AGGF1: variants seen among roughly 807,000 people sequenced by gnomAD.
AGGF1 encodes angiogenic factor with G-patch and FHA domains 1.
AGGF1 carries 56 observed loss-of-function variants against 86.5 expected under a neutral mutation model. The ratio of observed to expected loss-of-function variants is 0.65; its 90% CI spans 0.52 to 0.81. The LOEUF (loss-of-function observed/expected upper bound fraction) is 0.81, where lower values mean the gene tolerates loss of function less well. Among genes scored for constraint, AGGF1 ranks in the 30% least tolerant of loss-of-function variants. The probability of loss-of-function intolerance (pLI) is 0.00; values close to 1 mark genes in which losing one functional copy is unlikely to be tolerated. For missense variants in AGGF1, 816 were observed against 850.9 expected (o/e 0.96, Z 0.51); for synonymous variants, 313 against 297.1 (o/e 1.05, Z -0.55).
intron 5 of AGGF1, among the ~76,000 whole-genome samples, chr5:77,041,217 T>A (rs886949679): frequency 6.6e-6 from 1 of 152,218 alleles, no homozygotes; most frequent in African/African-American, 2.4e-5. Flanking sequence ...CTGTTTGCTT[T>A]CAAGATCTCT....
At chr5:77,043,849 C>T (rs1472204214) in intron 5 of AGGF1, among the ~76,000 whole-genome samples, 2 of 131,202 alleles carry the variant, frequency 1.5e-5, no homozygotes, top group African/African-American at 2.8e-5. Flanking sequence ...CAGAGGGTCT[C>T]CTCACTTCTC....
chr5:77,033,488 G>A (rs1365332856), intron 1 of AGGF1, among the ~76,000 whole-genome samples: 3 of 152,174 alleles, frequency 2.0e-5, no homozygotes, highest in Non-Finnish European at 4.4e-5. Flanking sequence ...TTTAGGGCAA[G>A]GCAATCAGGC....
chr5:77,059,945 G>A (rs935387614), intron 12 of AGGF1, among the ~76,000 whole-genome samples: 3 of 152,146 alleles, frequency 2.0e-5, no homozygotes, highest in Non-Finnish European at 4.4e-5. Context: ...GGGTTCAGGC[G>A]ATTCTCCTGC....
Position 77,061,693 on chromosome 5 carries a change from T to C in AGGF1, c.1845-10T>C, listed in dbSNP as rs1252841471. On this transcript the variant is annotated splice_polypyrimidine_tract_variant and intron_variant, in intron 12 of 13. Coordinates refer to ENST00000312916, the MANE Select transcript of AGGF1 (RefSeq NM_018046.5). Reference sequence around the variant, plus strand: ...TTATAAATCAACTATCATTTTAATATTCCTTAAAGTGAAATTACTGATAGC... The same window carrying C: ...TTATAAATCAACTATCATTTTAATACTCCTTAAAGTGAAATTACTGATAGC... 6.3e-7 allele frequency: 1 copy of C among 1,599,096 alleles called. No individual in the cohort carries two copies. The highest frequency in any genetic ancestry group is 8.6e-7 in the Non-Finnish European group (1 of 1,166,782).
intron 9 of AGGF1, among the ~76,000 whole-genome samples, chr5:77,053,336 T>C (rs543012104): frequency 2.0e-5 from 3 of 152,150 alleles, no homozygotes; most frequent in Non-Finnish European, 4.4e-5. Flanking sequence ...CTGGCCACCA[T>C]GGTGAAACCT....
chr5:77,044,180 C>T (rs1009342710), intron 5 of AGGF1, among the ~76,000 whole-genome samples: 3 of 149,392 alleles, frequency 2.0e-5, no homozygotes, highest in African/African-American at 5.0e-5. Flanking sequence ...GACAGGGTGG[C>T]GGCCGGGCAG....
intron 4 of AGGF1, among the ~76,000 whole-genome samples, chr5:77,038,614 T>G (rs1412635661): frequency 1.3e-5 from 2 of 152,174 alleles, no homozygotes; most frequent in Non-Finnish European, 2.9e-5. Flanking sequence ...GAAATCTAAA[T>G]ATTTTTTGTA....
intron 8 of AGGF1, among the ~76,000 whole-genome samples, chr5:77,049,551 T>C (rs1747331970): frequency 6.8e-6 from 1 of 147,742 alleles, no homozygotes; most frequent in Non-Finnish European, 1.5e-5. Flanking sequence ...ATTTTTACTT[T>C]TTTTTTTTTT....
intron 5 of AGGF1, 110 bp downstream of exon 5, chr5:77,039,829 C>A: frequency 2.1e-6 from 2 of 933,358 alleles, no homozygotes; most frequent in Non-Finnish European, 3.3e-6. Flanking sequence ...TTCAAACATA[C>A]CCATTAAGAT....
At chr5:77,055,470 T>A in intron 10 of AGGF1, 44 bp from the exon 11 acceptor site, 1 of 1,290,624 alleles carries the variant, frequency 7.7e-7, no homozygotes, top group South Asian at 1.2e-5. Context: ...TTGTACAAAA[T>A]CAGATTTAGT....
At chr5:77,032,563 C>CAA (rs4025997) in intron 1 of AGGF1, among the ~76,000 whole-genome samples, 1,654 of 92,640 alleles carry the variant, frequency 0.018, 40 homozygotes, top group South Asian at 0.034. Flanking sequence ...GACTCCGTCT[C>CAA]AAAAAAAAAA....
chr5:77,062,680 C>A (rs1273324268), intron 13 of AGGF1, among the ~76,000 whole-genome samples: 1 of 152,054 alleles, frequency 6.6e-6, no homozygotes, highest in African/African-American at 2.4e-5. Context: ...TAATGTTTAA[C>A]CTGCTTGTTC....
chr5:77,043,617 C>T (rs1168638667), intron 5 of AGGF1, among the ~76,000 whole-genome samples: 3 of 132,310 alleles, frequency 2.3e-5, no homozygotes, highest in African/African-American at 5.6e-5. Flanking sequence ...CACGGCTGGC[C>T]GGGCGGGGGG....
At position 77,030,990 on chromosome 5, in the gene AGGF1, C is replaced by T. The variant is rs1409387238; in HGVS notation, c.210+14C>T. On this transcript the variant is annotated intron_variant, in intron 1 of 13. Transcript: ENST00000312916. ...CTCCGCACGCAGGTGCGCGGTCCTC[C>T]TCAGCCCCGCGCCCCATCCAGCCCA... 6.2e-7 allele frequency: 1 copy of T among 1,611,016 alleles called. No homozygotes were observed. The highest frequency in any genetic ancestry group is 1.1e-5 in the South Asian group (1 of 91,032).
In AGGF1 at chr5:77,044,855, G is replaced by C. The variant is rs569977536; in HGVS notation, c.871-1492G>C. ...TGAGGTGGATGGATCATGAGGTCAAGAGATCGAGACCAGTCTGGCCAACAT... is the reference window on the plus strand; with the variant it reads ...TGAGGTGGATGGATCATGAGGTCAACAGATCGAGACCAGTCTGGCCAACAT... On this transcript the variant is annotated intron_variant, in intron 5 of 13. Transcript: ENST00000312916. 2.6e-5 allele frequency among the ~76,000 whole-genome samples: 4 copies of C among 152,252 alleles called. No homozygotes were observed. The East Asian group carries it at 7.7e-4, about 29-fold the overall frequency.
At position 77,039,519 on chromosome 5, in the gene AGGF1, T is replaced by G; in HGVS notation, c.682-12T>G. The G allele has an allele frequency of 6.3e-7, 1 of 1,588,214 alleles. No individual in the cohort carries two copies. Among genetic ancestry groups the G allele is most frequent in the Non-Finnish European group, 8.6e-7 (1 of 1,163,194 alleles). ...ACATGAATAGAATTTATTTTTTTCT[T>G]GACTTTCAAAGGAAAATCAACTCTA... is the stretch of plus-strand genomic sequence containing the variant. On this transcript the variant is annotated splice_polypyrimidine_tract_variant and intron_variant, in intron 4 of 13. Transcript: ENST00000312916.
At chr5:77,053,514 C>A (rs951918542) in intron 9 of AGGF1, among the ~76,000 whole-genome samples, 1 of 151,860 alleles carries the variant, frequency 6.6e-6, no homozygotes, top group Non-Finnish European at 1.5e-5. Context: ...GTGAGACTGT[C>A]TCAAAAAAAG....
chr5:77,036,033 C>T (rs1746962092), intron 3 of AGGF1: 1 of 354,264 alleles, frequency 2.8e-6, no homozygotes, highest in South Asian at 3.1e-5. Context: ...CTGTGGACAA[C>T]AATACCACAT....
chr5:77,040,088 A>AT (rs1747042808), intron 5 of AGGF1, among the ~76,000 whole-genome samples: 1 of 149,206 alleles, frequency 6.7e-6, no homozygotes, highest in South Asian at 2.1e-4. Context: ...ATGTGGAGCA[A>AT]TTTTTTACTT....
Sources: allele counts gnomAD v4.1 joint callset (sites outside exome capture counted in the v4.1 genomes callset), GRCh38; gene constraint gnomAD v4.1.1; transcripts MANE v1.5; gene names NCBI Gene and HGNC (gene_info 2026-07-23, HGNC 2026-07-21).